The following OSBPL3 variants were observed in gnomAD, a reference collection of about 807,000 sequenced individuals.
The protein encoded by OSBPL3 is oxysterol binding protein like 3.
A neutral mutation model predicts 120.1 loss-of-function variants in OSBPL3; 65 were observed. The ratio of observed to expected loss-of-function variants is 0.54; its 90% CI spans 0.44 to 0.67. The LOEUF (loss-of-function observed/expected upper bound fraction) is 0.67, where lower values mean the gene tolerates loss of function less well. OSBPL3 is among the 30% of genes least tolerant of loss of function. OSBPL3 has a pLI of 0.00. For synonymous variants in OSBPL3, 416 were observed against 402.6 expected (o/e 1.03, Z -0.40); for missense variants, 1,004 against 1,082.1 (o/e 0.93, Z 1.01).
At chr7:24,812,767 G>A (rs375277581) in intron 19 of OSBPL3, among the ~76,000 whole-genome samples, 1 of 152,130 alleles carries the variant, frequency 6.6e-6, no homozygotes, top group African/African-American at 2.4e-5. Flanking sequence ...AAAAATGGTG[G>A]GGCACGGAAG....
Position 24,813,730 on chromosome 7 carries a change from T to A in OSBPL3, c.2172+1329A>T, listed in dbSNP as rs1376907446. 6.6e-6 allele frequency among the ~76,000 whole-genome samples: 1 copy of A among 152,216 alleles called. No individual in the cohort carries two copies. The highest frequency in any genetic ancestry group is 1.5e-5 in the Non-Finnish European group (1 of 68,036). ...TAAAACCTCATCTCTCTGCTTATTA[T>A]TTCGATCTTTGTTAAATGCCAATAT... On this transcript the variant is annotated intron_variant, in intron 19 of 22. Coordinates refer to ENST00000313367, the MANE Select transcript of OSBPL3 (RefSeq NM_015550.4). The surrounding 1 kb of genome is among the most constrained non-coding windows in gnomAD (Gnocchi z 4.5).
chr7:24,863,070 G>A lies in OSBPL3; in HGVS notation c.870+130C>T. On this transcript the variant is annotated intron_variant, in intron 9 of 22. Coordinates refer to ENST00000313367, the MANE Select transcript of OSBPL3 (RefSeq NM_015550.4). This position sits in a 1 kb window ranked among gnomAD's most constrained non-coding sequence, Gnocchi z 5.8. ...TGATTCAATTCATCTCGCTACAGAG[G>A]ACACTGGAAAGAACAACTACAGAAT... is the stretch of plus-strand genomic sequence containing the variant. 1.5e-6 allele frequency: 1 copy of A among 682,510 alleles called. No homozygotes were observed. Among genetic ancestry groups the A allele is most frequent in the Non-Finnish European group, 2.7e-6 (1 of 374,848 alleles). 42.3% of individuals were successfully genotyped at this position (682,510 alleles called of 1,614,324 possible).
At position 24,891,333 on chromosome 7, in the gene OSBPL3, C is replaced by T. The variant is rs1198284598; in HGVS notation, c.96+1044G>A. Among the ~76,000 whole-genome samples, 1 of 151,966 alleles carries T rather than the reference C, an allele frequency of 6.6e-6. No homozygotes were observed. Among genetic ancestry groups the T allele is most frequent in the African/African-American group, 2.4e-5 (1 of 41,344 alleles). On this transcript the variant is annotated intron_variant, in intron 2 of 22. Transcript: ENST00000313367. The surrounding 1 kb of genome is among the most constrained non-coding windows in gnomAD (Gnocchi z 4.1). ...CAGGTCTGTGGCAAAATCTAATTTCCTGGAATCACAGATTCATGGGTGGCA... is the reference window on the plus strand; with the variant it reads ...CAGGTCTGTGGCAAAATCTAATTTCTTGGAATCACAGATTCATGGGTGGCA...
In OSBPL3 at chr7:24,831,610, C is replaced by T. The variant is rs1796374905; in HGVS notation, c.1747-705G>A. 6.6e-6 allele frequency among the ~76,000 whole-genome samples: 1 copy of T among 152,218 alleles called. No homozygotes were observed. The highest frequency in any genetic ancestry group is 2.1e-4 in the South Asian group (1 of 4,830). ...CTTGGCGTCTTTAGCAATTCCCCGT[C>T]AGGGCATCAGGGAGGCACATTACCT... On this transcript the variant is annotated intron_variant, in intron 15 of 22. Transcript: ENST00000313367. This position sits in a 1 kb window ranked among gnomAD's most constrained non-coding sequence, Gnocchi z 4.0.
In OSBPL3 at chr7:24,808,682, C is replaced by A. The variant is rs1355698127; in HGVS notation, c.2317+1125G>T. Among the ~76,000 whole-genome samples the A allele has an allele frequency of 6.6e-6, 1 of 152,222 alleles. No homozygotes were observed. The highest frequency in any genetic ancestry group is 1.5e-5 in the Non-Finnish European group (1 of 68,042). ...GACCATCATTTCTCTTTCTTGCTTGCTAACAGAATACTGATTCTGTTCAAA... is the reference window on the plus strand; with the variant it reads ...GACCATCATTTCTCTTTCTTGCTTGATAACAGAATACTGATTCTGTTCAAA... On this transcript the variant is annotated intron_variant, in intron 20 of 22. Transcript: ENST00000313367. This position sits in a 1 kb window ranked among gnomAD's most constrained non-coding sequence, Gnocchi z 4.6.
rs1331838928 is a variant in OSBPL3 at position 24,817,978 on chromosome 7, G to C, written c.1949-1290C>G. Among the ~76,000 whole-genome samples the C allele has an allele frequency of 1.3e-5, 2 of 152,222 alleles. No homozygotes were observed. The highest frequency in any genetic ancestry group is 4.8e-5 in the African/African-American group (2 of 41,442). On this transcript the variant is annotated intron_variant, in intron 17 of 22. Coordinates refer to ENST00000313367, the MANE Select transcript of OSBPL3 (RefSeq NM_015550.4). The surrounding 1 kb of genome is among the most constrained non-coding windows in gnomAD (Gnocchi z 4.0). ...CTGCACTGAGGATCTACAGATCACA[G>C]GGAAATCAGGGTTGAAGCAGGGGGG...
intron 1 of OSBPL3, among the ~76,000 whole-genome samples, chr7:24,931,481 T>A (rs762753484): frequency 2.0e-5 from 3 of 152,046 alleles, no homozygotes; most frequent in Non-Finnish European, 4.4e-5. Flanking sequence ...GGCAATGTGA[T>A]GATGGAAACA....
Position 24,906,322 on chromosome 7 carries a change from G to C in OSBPL3, c.-149-13701C>G, listed in dbSNP as rs1335004187. On this transcript the variant is annotated intron_variant, in intron 1 of 22. Transcript: ENST00000313367. ...GGATGGCCACTTATAGGAGGTGCAG[G>C]CATCATACCAGGGCAAAGAGGAGCC... 3.2e-5 allele frequency: 8 copies of C among 248,350 alleles called. No homozygotes were observed. The Admixed American group carries it at 3.8e-4, about 12-fold the overall frequency. 15.4% of individuals were successfully genotyped at this position (248,350 alleles called of 1,614,324 possible).
chr7:24,943,372 C>G (rs1311844069), intron 1 of OSBPL3, among the ~76,000 whole-genome samples: 1 of 152,144 alleles, frequency 6.6e-6, no homozygotes, highest in East Asian at 1.9e-4. Flanking sequence ...GTGCTTGTAC[C>G]TTAAAGGCTT....
intron 1 of OSBPL3, among the ~76,000 whole-genome samples, chr7:24,951,018 TTG>T (rs1380786885): frequency 6.6e-6 from 1 of 152,214 alleles, no homozygotes; most frequent in Non-Finnish European, 1.5e-5. Flanking sequence ...TTATATGATA[TTG>T]TGTCAAAGCC....
At chr7:24,850,795 T>C (rs973726833) in intron 11 of OSBPL3, among the ~76,000 whole-genome samples, 2 of 152,214 alleles carry the variant, frequency 1.3e-5, no homozygotes, top group African/African-American at 2.4e-5. Flanking sequence ...GAAGAAAACA[T>C]GGCAACACTG....
At chr7:24,979,741 G>C in intron 1 of OSBPL3, 145 bp downstream of exon 1, 1 of 321,534 alleles carries the variant, frequency 3.1e-6, no homozygotes, top group Non-Finnish European at 4.5e-6. Context: ...TCTGCCCCAG[G>C]GCCGGAGCCT....
chr7:24,861,841 T>C (rs1040856848), intron 9 of OSBPL3, 72 bp from the exon 10 acceptor site: 1 of 1,082,066 alleles, frequency 9.2e-7, no homozygotes, highest in Non-Finnish European at 1.3e-6. Context: ...GATTCTAAGA[T>C]TGAAACATGG....
At position 24,933,733 on chromosome 7, in the gene OSBPL3, A is replaced by G. The variant is rs1265995567; in HGVS notation, c.-149-41112T>C. 1.3e-5 allele frequency among the ~76,000 whole-genome samples: 2 copies of G among 152,232 alleles called. No homozygotes were observed. Among genetic ancestry groups the G allele is most frequent in the Non-Finnish European group, 2.9e-5 (2 of 68,042 alleles). On this transcript the variant is annotated intron_variant, in intron 1 of 22. Coordinates refer to ENST00000313367, the MANE Select transcript of OSBPL3 (RefSeq NM_015550.4). The surrounding 1 kb of genome is among the most constrained non-coding windows in gnomAD (Gnocchi z 5.1). Reference sequence around the variant, plus strand: ...TTTGCCTATGCTCTCAGTTCTGATCATAAGTTGATATTTAAATAATTAGTT... The same window carrying G: ...TTTGCCTATGCTCTCAGTTCTGATCGTAAGTTGATATTTAAATAATTAGTT...
At position 24,815,486 on chromosome 7, in the gene OSBPL3, C is replaced by T. The variant is rs1794358227; in HGVS notation, c.2028-283G>A. Among the ~76,000 whole-genome samples, 1 of 152,210 alleles carries T rather than the reference C, an allele frequency of 6.6e-6. No homozygotes were observed. Among genetic ancestry groups the T allele is most frequent in the African/African-American group, 2.4e-5 (1 of 41,452 alleles). The stretch of plus-strand genomic sequence containing the variant: ...GTGGTCTCTTGGAACAGCCCACTCC[C>T]TCCTTTGACAGAGGAGGCAATTCAG... On this transcript the variant is annotated intron_variant, in intron 18 of 22. Transcript: ENST00000313367. This position sits in a 1 kb window ranked among gnomAD's most constrained non-coding sequence, Gnocchi z 5.1.
Position 24,861,899 on chromosome 7 carries a change from T to G in OSBPL3, c.871-130A>C, listed in dbSNP as rs967496290. The G allele has an allele frequency of 3.6e-4, 178 of 500,020 alleles. No individual in the cohort carries two copies. The East Asian group carries it at 3.6e-3, about 10-fold the overall frequency. 31.0% of individuals were successfully genotyped at this position (500,020 alleles called of 1,614,324 possible). Reference sequence around the variant, plus strand: ...ATAGGTAGGTCTTTTTTTTTTTTTTTTGGGGGGGATGGAGTCTCGCTCTGC... The same window carrying G: ...ATAGGTAGGTCTTTTTTTTTTTTTTGTGGGGGGGATGGAGTCTCGCTCTGC... On this transcript the variant is annotated intron_variant, in intron 9 of 22. Transcript: ENST00000313367.
At chr7:24,969,259 CAT>C (rs1444198518) in intron 1 of OSBPL3, among the ~76,000 whole-genome samples, 2 of 152,170 alleles carry the variant, frequency 1.3e-5, no homozygotes, top group African/African-American at 4.8e-5. Flanking sequence ...TTAAAGTTTT[CAT>C]ATGTTTATGA....
At chr7:24,905,834 C>T (rs138245595) in intron 1 of OSBPL3, among the ~76,000 whole-genome samples, 2 of 152,292 alleles carry the variant, frequency 1.3e-5, no homozygotes, top group East Asian at 3.9e-4. Context: ...AGTTCAAGAC[C>T]AGCCTGGCCA....
At chr7:24,979,818 C>A (rs907409006) in intron 1 of OSBPL3, 68 bp downstream of exon 1, 38 of 921,006 alleles carry the variant, frequency 4.1e-5, no homozygotes, top group Middle Eastern at 5.5e-4. Flanking sequence ...AGCAGCCCTT[C>A]CGAGCCCGCG....
Sources: allele counts gnomAD v4.1 joint callset (sites outside exome capture counted in the v4.1 genomes callset), GRCh38; gene constraint gnomAD v4.1.1; non-coding constraint Gnocchi (gnomAD v3.1); transcripts MANE v1.5; gene names NCBI Gene and HGNC (gene_info 2026-07-23, HGNC 2026-07-21).